Variants in ATP11A observed in about 807,000 individuals in gnomAD.
ATP11A encodes the protein phospholipid-transporting ATPase IH.
A neutral mutation model predicts 154.4 loss-of-function variants in ATP11A; 81 were observed. The observed-to-expected ratio is 0.52, with a 90% CI of 0.44 to 0.63. The LOEUF is 0.63. Among genes scored for constraint, ATP11A ranks in the 30% least tolerant of loss-of-function variants. The pLI is 0.00. For missense variants in ATP11A, 1,316 were observed against 1,474.3 expected (o/e 0.89, Z 1.76); for synonymous variants, 623 against 585.9 (o/e 1.06, Z -0.91).
Position 112,809,572 on chromosome 13 carries a change from C to T in ATP11A, c.334-1047C>T, listed in dbSNP as rs561194389. On this transcript the variant is annotated intron_variant, in intron 4 of 29. Coordinates refer to ENST00000375645, the MANE Select transcript of ATP11A (RefSeq NM_015205.3). ...TGTCTCAGCACACATGCAGTGGGCC[C>T]GTGGCACAGGCTTCCTGCTGCCATC... Among the ~76,000 whole-genome samples the T allele has an allele frequency of 1.6e-4, 25 of 152,290 alleles. No individual in the cohort carries two copies. In the South Asian group the frequency reaches 2.1e-3, roughly 13 times the overall value.
chr13:112,881,212 G>A (rs563785865), intron 29 of ATP11A: 146 of 989,460 alleles, frequency 1.5e-4, no homozygotes, highest in East Asian at 2.3e-4. Flanking sequence ...GCGTGCTGCC[G>A]GCCTCCTGCC....
intron 16 of ATP11A, among the ~76,000 whole-genome samples, chr13:112,839,356 T>A (rs2079330235): frequency 6.6e-6 from 1 of 152,066 alleles, no homozygotes; most frequent in South Asian, 2.1e-4. Flanking sequence ...CAGTGCACCC[T>A]CCTGGAGCTC....
intron 27 of ATP11A, 63 bp downstream of exon 27, chr13:112,873,739 AG>A: frequency 6.7e-7 from 1 of 1,498,764 alleles, no homozygotes; most frequent in South Asian, 1.1e-5. Context: ...TTTTTTATCA[AG>A]GGTTGAAGAC....
chr13:112,802,858 C>T (rs927083723), intron 2 of ATP11A, among the ~76,000 whole-genome samples: 2 of 152,120 alleles, frequency 1.3e-5, no homozygotes, highest in African/African-American at 4.8e-5. Context: ...AATAGATTTG[C>T]AAAACACACA....
intron 12 of ATP11A, among the ~76,000 whole-genome samples, chr13:112,831,118 A>G (rs74414719): frequency 0.015 from 2,322 of 152,274 alleles, 67 homozygotes; most frequent in African/African-American, 0.053. Flanking sequence ...CAGAGAAGGT[A>G]TCCCGAGGCC....
chr13:112,805,569 G>A (rs1479194255), intron 3 of ATP11A, among the ~76,000 whole-genome samples: 2 of 151,928 alleles, frequency 1.3e-5, no homozygotes, highest in African/African-American at 2.4e-5. Flanking sequence ...CCAGCTACGC[G>A]GGAGGCTGAG....
In ATP11A at chr13:112,884,007, ACT is replaced by A. The variant is rs1566615063; in HGVS notation, c.*2142_*2143del. The A allele has an allele frequency of 6.6e-6, 1 of 152,484 alleles. No homozygotes were observed. The highest frequency in any genetic ancestry group is 1.5e-5 in the Non-Finnish European group (1 of 68,038). The allele number at this position is 152,484 out of a possible 1,614,324, so 9.4% of individuals were successfully genotyped here. A position where few individuals can be genotyped will look rare whatever the true frequency, so the allele number is the denominator to read the frequency against. On this transcript the variant is annotated 3_prime_UTR_variant, in exon 30 of 30. Coordinates refer to ENST00000375645, the MANE Select transcript of ATP11A (RefSeq NM_015205.3). ...TCTCTTTTATTCATTTATTTAACATACTGTCTAATTTTAAAAATAGGTTTTTA... is the reference window on the plus strand; with the variant it reads ...TCTCTTTTATTCATTTATTTAACATAGTCTAATTTTAAAAATAGGTTTTTA...
intron 1 of ATP11A, among the ~76,000 whole-genome samples, chr13:112,715,106 T>C (rs1424533158): frequency 6.6e-6 from 1 of 152,194 alleles, no homozygotes; most frequent in Non-Finnish European, 1.5e-5. Flanking sequence ...GACTCCGCCG[T>C]TCCTTTGCAT....
At chr13:112,854,057 ATC>A (rs1216517789) in intron 18 of ATP11A, among the ~76,000 whole-genome samples, 1 of 152,166 alleles carries the variant, frequency 6.6e-6, no homozygotes, top group African/African-American at 2.4e-5. Context: ...ATCCATGTTT[ATC>A]TCTCTGCTGT....
intron 29 of ATP11A, among the ~76,000 whole-genome samples, chr13:112,879,712 G>T (rs1174778337): frequency 1.3e-5 from 2 of 152,232 alleles, no homozygotes; most frequent in Non-Finnish European, 2.9e-5. Context: ...GGCGCACACG[G>T]GAACACGCCG....
At chr13:112,818,055 G>A (rs748297212) in intron 6 of ATP11A, among the ~76,000 whole-genome samples, 132 of 152,336 alleles carry the variant, frequency 8.7e-4, no homozygotes, top group Admixed American at 1.5e-3. Flanking sequence ...GAAAATAAGC[G>A]CCCCCTGATT....
At position 112,705,931 on chromosome 13, in the gene ATP11A, T is replaced by G. The variant is rs530556556; in HGVS notation, c.39+15476T>G. On this transcript the variant is annotated intron_variant, in intron 1 of 29. Coordinates refer to ENST00000375645, the MANE Select transcript of ATP11A (RefSeq NM_015205.3). The stretch of plus-strand genomic sequence containing the variant: ...TTACCATCTTGTCCATTGTGAAGCG[T>G]ACAGTTCCATGGCGTTAAATACACT... Among the ~76,000 whole-genome samples the G allele has an allele frequency of 4.6e-5, 7 of 152,336 alleles. No homozygotes were observed. The South Asian group carries it at 1.5e-3, about 32-fold the overall frequency.
chr13:112,781,103 C>T (rs1208438226), intron 1 of ATP11A, among the ~76,000 whole-genome samples: 1 of 152,114 alleles, frequency 6.6e-6, no homozygotes, highest in Non-Finnish European at 1.5e-5. Flanking sequence ...AGCAGAGGCG[C>T]CATCTTGTCA....
Position 112,851,289 on chromosome 13 carries a change from G to A in ATP11A, c.1991+71G>A, listed in dbSNP as rs2079757904. 5.3e-6 allele frequency: 8 copies of A among 1,513,932 alleles called. No individual in the cohort carries two copies. In the South Asian group the frequency reaches 8.4e-5, roughly 16 times the overall value. 93.8% of individuals were successfully genotyped at this position (1,513,932 alleles called of 1,614,324 possible). On this transcript the variant is annotated intron_variant, in intron 18 of 29. Transcript: ENST00000375645. ...CAGGCCGACGGCCCAGGGCGTGTGA[G>A]GGCGAGTGGACGGGAGGGAGGCCAT...
intron 1 of ATP11A, among the ~76,000 whole-genome samples, chr13:112,781,669 T>C (rs1045472393): frequency 5.9e-5 from 9 of 151,942 alleles, no homozygotes; most frequent in Admixed American, 4.6e-4. Context: ...TTTTCGGCTC[T>C]GTTCCTTTTG....
At chr13:112,874,978 C>T (rs188931911) in intron 27 of ATP11A, among the ~76,000 whole-genome samples, 2 of 152,190 alleles carry the variant, frequency 1.3e-5, no homozygotes, top group Admixed American at 6.5e-5. Flanking sequence ...ATTGACCCCA[C>T]GTCTTTGATG....
At chr13:112,731,135 A>G (rs1003344468) in intron 1 of ATP11A, among the ~76,000 whole-genome samples, 1 of 151,728 alleles carries the variant, frequency 6.6e-6, no homozygotes, top group Non-Finnish European at 1.5e-5. Context: ...GGGTTTCACC[A>G]TGTTGGCCAG....
In ATP11A at chr13:112,840,168, C is replaced by CAGCCT. The variant is rs779682377; in HGVS notation, c.1706-2108_1706-2107insAGCCT. 7.9e-5 allele frequency among the ~76,000 whole-genome samples: 4 copies of CAGCCT among 50,870 alleles called. 1 individual carries two copies. The highest frequency in any genetic ancestry group is 1.5e-4 in the Non-Finnish European group (4 of 26,414). The allele number at this position is 50,870 out of a possible 152,430, so 33.4% of individuals were successfully genotyped here. A position where few individuals can be genotyped will look rare whatever the true frequency, so the allele number is the denominator to read the frequency against. On this transcript the variant is annotated intron_variant, in intron 16 of 29. Transcript: ENST00000375645. ...AGCCTCAGCCTCCCCACTCTCCCAT[C>CAGCCT]CCCCCCAGCCTCAGCCTCCCCACTC...
At chr13:112,739,484 A>G (rs1891317009) in intron 1 of ATP11A, among the ~76,000 whole-genome samples, 1 of 152,256 alleles carries the variant, frequency 6.6e-6, no homozygotes, top group South Asian at 2.1e-4. Context: ...GTTAAGGAGG[A>G]TGTAGAGGAG....
Sources: gnomAD v4.1 joint callset for allele counts (sites outside exome capture counted in the v4.1 genomes callset) on GRCh38, gnomAD v4.1.1 for gene constraint, MANE v1.5 for transcripts, NCBI Gene and HGNC (gene_info 2026-07-23, HGNC 2026-07-21) for gene names.